Variants in FRMPD4 observed in about 807,000 individuals in gnomAD.
FRMPD4 encodes the protein FERM and PDZ domain containing 4.
FRMPD4 carries 22 observed loss-of-function variants against 94.1 expected under a neutral mutation model. That is an observed-to-expected ratio of 0.23 (90% CI 0.17 to 0.33). The LOEUF is 0.33. FRMPD4 is among the 10% of genes least tolerant of loss of function. The pLI, the probability that FRMPD4 is intolerant of heterozygous loss-of-function variation, is 1.00. For missense variants in FRMPD4, 1,111 were observed against 1,339.9 expected, an observed-to-expected ratio of 0.83 and a Z score of 2.67; for synonymous variants, 631 against 548.6, an observed-to-expected ratio of 1.15 and a Z score of -2.10.
At position 12,716,355 on chromosome X, in the gene FRMPD4, C is replaced by A. The variant is rs369092267; in HGVS notation, c.1896C>A (p.Thr632=). ...YRSLAQRSLL[T]LSGPETLKKA... ...GTCTAGCTCAGCGGTCCCTATTGACCCTCTCAGGACCAGAAACTCTGAAGA... is the reference window on the plus strand; with the variant it reads ...GTCTAGCTCAGCGGTCCCTATTGACACTCTCAGGACCAGAAACTCTGAAGA... Residue 632 remains threonine, a synonymous_variant, in exon 15 of 17, where the codon ACC becomes ACA. Transcript: ENST00000675598. 1.6e-5 allele frequency: 19 copies of A among 1,209,707 alleles called. No individual in the cohort carries two copies. In the East Asian group the frequency reaches 1.8e-4, roughly 11 times the overall value.
intron 4 of FRMPD4, among the ~76,000 whole-genome samples, chrX:12,649,977 G>A (rs1378372932): frequency 8.9e-6 from 1 of 112,837 alleles, no homozygotes; most frequent in Non-Finnish European, 1.9e-5. Context: ...CCCCTGCAGA[G>A]CTGTTTGTGG....
intron 2 of FRMPD4, among the ~76,000 whole-genome samples, chrX:12,502,958 AG>A (rs2057940232): frequency 1.8e-5 from 2 of 112,073 alleles, no homozygotes; most frequent in Admixed American, 1.9e-4. Context: ...ACACAAGATA[AG>A]GTATTTTAAA....
At chrX:11,915,624 C>A (rs1317597063) in intron 3 of FRMPD4, among the ~76,000 whole-genome samples, 1 of 112,222 alleles carries the variant, frequency 8.9e-6, no homozygotes, top group East Asian at 2.8e-4. Flanking sequence ...TTCTACTGGT[C>A]ATATGACAAG....
At chrX:12,193,767 A>AAAGG (rs765436292) in intron 1 of FRMPD4, among the ~76,000 whole-genome samples, 1 of 21,967 alleles carries the variant, frequency 4.6e-5, no homozygotes, top group Non-Finnish European at 7.1e-5. Flanking sequence ...AGAAAGAAAG[A>AAAGG]AAGAAAGGAA....
chrX:12,702,255 G>A (rs2041799549), intron 10 of FRMPD4, among the ~76,000 whole-genome samples: 1 of 112,264 alleles, frequency 8.9e-6, no homozygotes, highest in African/African-American at 3.2e-5. Context: ...AATTCCTAAA[G>A]GGGCTTGATT....
chrX:11,896,429 G>T (rs767106485), intron 3 of FRMPD4, among the ~76,000 whole-genome samples: 2 of 111,085 alleles, frequency 1.8e-5, no homozygotes, highest in East Asian at 5.7e-4. Flanking sequence ...TGAGGGTAGT[G>T]CTTTTGTGAA....
intron 3 of FRMPD4, among the ~76,000 whole-genome samples, chrX:11,941,878 G>A (rs2054161901): frequency 8.9e-6 from 1 of 112,092 alleles, no homozygotes; most frequent in Non-Finnish European, 1.9e-5. Flanking sequence ...TTCTAAGCCA[G>A]TGTTTGTGAG....
At chrX:12,673,797 C>T (rs993316633) in intron 4 of FRMPD4, among the ~76,000 whole-genome samples, 4 of 111,274 alleles carry the variant, frequency 3.6e-5, no homozygotes, top group African/African-American at 9.8e-5. Context: ...AGTTCTATTA[C>T]TCCTTTCCCT....
intron 9 of FRMPD4, among the ~76,000 whole-genome samples, chrX:12,695,956 G>A (rs1300207558): frequency 4.7e-5 from 5 of 107,235 alleles, no homozygotes; most frequent in Non-Finnish European, 7.7e-5. Context: ...GGTTGGTCTC[G>A]AACTCCCACC....
At chrX:12,611,457 T>C (rs1338128592) in intron 3 of FRMPD4, among the ~76,000 whole-genome samples, 1 of 88,543 alleles carries the variant, frequency 1.1e-5, no homozygotes, top group African/African-American at 4.5e-5. Flanking sequence ...TCTCTACATC[T>C]TCTGTATAAT....
chrX:12,292,123 T>C (rs115696229), intron 1 of FRMPD4, among the ~76,000 whole-genome samples: 5,010 of 111,406 alleles, frequency 0.045, 296 homozygotes, highest in African/African-American at 0.15. Context: ...ATGGGGAGTC[T>C]CAGTTAAAAG....
At chrX:12,561,369 A>G (rs181137565) in intron 2 of FRMPD4, among the ~76,000 whole-genome samples, 110 of 112,380 alleles carry the variant, frequency 9.8e-4, no homozygotes, top group African/African-American at 3.2e-3. Flanking sequence ...ACAAACTTCA[A>G]AATCTTATAT....
At chrX:12,100,029 A>G (rs768613387) in intron 3 of FRMPD4, among the ~76,000 whole-genome samples, 60 of 112,513 alleles carry the variant, frequency 5.3e-4, no homozygotes, top group Non-Finnish European at 9.6e-4. Flanking sequence ...CATATTGCCT[A>G]GAATTGCTTT....
At chrX:12,109,293 G>A (rs1259820549) in intron 3 of FRMPD4, among the ~76,000 whole-genome samples, 1 of 111,840 alleles carries the variant, frequency 8.9e-6, no homozygotes, top group Non-Finnish European at 1.9e-5. Flanking sequence ...TCAACTACAT[G>A]GAAACTGAAC....
At chrX:12,373,048 C>CAGTT (rs2056184443) in intron 1 of FRMPD4, 1 of 112,255 alleles carries the variant, frequency 8.9e-6, no homozygotes, top group Non-Finnish European at 1.9e-5. Context: ...GCCGCCTCAC[C>CAGTT]AGTTACAGGA....
intron 3 of FRMPD4, among the ~76,000 whole-genome samples, chrX:12,062,109 C>T (rs1218637140): frequency 8.9e-6 from 1 of 111,861 alleles, no homozygotes; most frequent in Non-Finnish European, 1.9e-5. Context: ...TCCTGGCCTC[C>T]TCCTGCCCTG....
chrX:12,564,705 G>C (rs1217333201), intron 2 of FRMPD4, among the ~76,000 whole-genome samples: 1 of 111,569 alleles, frequency 9.0e-6, no homozygotes, highest in African/African-American at 3.3e-5. Context: ...TTAAATTGTA[G>C]GAGTCATTCT....
At chrX:11,919,590 A>G (rs924239691) in intron 3 of FRMPD4, among the ~76,000 whole-genome samples, 1 of 111,126 alleles carries the variant, frequency 9.0e-6, no homozygotes, top group African/African-American at 3.3e-5. Context: ...GAGAAATTCA[A>G]TGACAATTCC....
intron 4 of FRMPD4, among the ~76,000 whole-genome samples, chrX:12,641,808 A>G (rs58936630): frequency 0.012 from 1,371 of 112,741 alleles, 23 homozygotes; most frequent in African/African-American, 0.041. Context: ...TAAATATGCA[A>G]CCAAAGTAGC....
Sources: allele counts gnomAD v4.1 joint callset (sites outside exome capture counted in the v4.1 genomes callset), GRCh38; gene constraint gnomAD v4.1.1; transcripts MANE v1.5; gene names NCBI Gene and HGNC (gene_info 2026-07-23, HGNC 2026-07-21).